DKK4: variants seen among roughly 807,000 people sequenced by gnomAD.
DKK4 encodes dickkopf Wnt signaling pathway inhibitor 4.
Under a neutral mutation model 14.5 loss-of-function variants are expected in DKK4, and 15 were observed. That is an observed-to-expected ratio of 1.03 (90% CI 0.69 to 1.59). The LOEUF (loss-of-function observed/expected upper bound fraction) is 1.59, where lower values mean the gene tolerates loss of function less well. DKK4 is among the 40% of genes most tolerant of loss of function. The pLI is 0.00. For missense variants in DKK4, 272 were observed against 280.3 expected (o/e 0.97, Z 0.21); for synonymous variants, 89 against 105.2 (o/e 0.85, Z 0.94).
chr8:42,381,738 C>T (rs528348598), upstream of DKK4, among the ~76,000 whole-genome samples: 5 of 152,348 alleles, frequency 3.3e-5, no homozygotes, highest in South Asian at 1.0e-3. Context: ...TGGCTCACGC[C>T]TGTAATCCAA....
chr8:42,375,024 T>C, intron 2 of DKK4, 111 bp from the exon 3 acceptor site: 2 of 1,069,326 alleles, frequency 1.9e-6, no homozygotes, highest in Non-Finnish European at 2.7e-6. Context: ...CTTCAGTTTA[T>C]ATATAACTTT....
In DKK4 at chr8:42,377,077, G is replaced by T. The variant is rs765372166; in HGVS notation, c.-32C>A. The T allele has an allele frequency of 1.6e-5, 26 of 1,584,824 alleles. No homozygotes were observed. In the South Asian group the frequency reaches 2.9e-4, roughly 18 times the overall value. On this transcript the variant is annotated 5_prime_UTR_variant, in exon 1 of 4. The change creates a new upstream start codon in the 5' untranslated region. Coordinates refer to ENST00000220812, the MANE Select transcript of DKK4 (RefSeq NM_014420.3). ...ATCCCGGGGCTCCTGGAGGGTCCCA[G>T]CACTGTGCGTCACCAAAGCGAGGCT...
chr8:42,381,158 A>G (rs1363473240), upstream of DKK4, among the ~76,000 whole-genome samples: 1 of 151,572 alleles, frequency 6.6e-6, no homozygotes, highest in Non-Finnish European at 1.5e-5. Flanking sequence ...AAAGGATGGG[A>G]GTCTGAAGTT....
rs2130873216 is a variant in DKK4, at chr8:42,375,835, G to A, written c.112-5C>T. The A allele has an allele frequency of 2.5e-6, 4 of 1,613,620 alleles. No individual in the cohort carries two copies. In the East Asian group the frequency reaches 8.9e-5, roughly 36 times the overall value. ...GTCAGACAGGCACTGTGAGCCCTGT[G>A]GAGGGAATCTGTTATCACAAGGCTA... On this transcript the variant is annotated splice_polypyrimidine_tract_variant and splice_region_variant and intron_variant, in intron 1 of 3. Transcript: ENST00000220812.
chr8:42,390,562 A>G, the DKK4 span, among the ~76,000 whole-genome samples: 1 of 150,184 alleles, frequency 6.7e-6, no homozygotes, highest in African/African-American at 2.4e-5. Context: ...GCGGGGTTTC[A>G]CTGTGTTAGC....
intron 3 of DKK4, 142 bp downstream of exon 3, chr8:42,374,619 A>G (rs1445379678): frequency 2.3e-6 from 3 of 1,291,516 alleles, no homozygotes; most frequent in Non-Finnish European, 3.2e-6. Context: ...ACAGCTTCTT[A>G]CAGAAAGAGA....
chr8:42,375,096 A>C (rs1202450944), intron 2 of DKK4, among the ~76,000 whole-genome samples, 183 bp from the exon 3 acceptor site: 1 of 152,254 alleles, frequency 6.6e-6, no homozygotes, highest in Admixed American at 6.5e-5. Flanking sequence ...AAAGTAGCTA[A>C]GTGGAAATTG....
At position 42,376,916 on chromosome 8, in the gene DKK4, C is replaced by G; in HGVS notation, c.111+19G>C. On this transcript the variant is annotated intron_variant, in intron 1 of 3. Coordinates refer to ENST00000220812, the MANE Select transcript of DKK4 (RefSeq NM_014420.3). ...CTGTCAGCAGTCCCGTACCTCGCCC[C>G]CCTCCCTAGCAGCCTTACCTTCCGG... 6.2e-7 allele frequency: 1 copy of G among 1,606,440 alleles called. No homozygotes were observed. Among genetic ancestry groups the G allele is most frequent in the Non-Finnish European group, 8.5e-7 (1 of 1,174,018 alleles).
upstream of DKK4, among the ~76,000 whole-genome samples, chr8:42,378,378 T>G (rs1824600782): frequency 6.6e-6 from 1 of 152,212 alleles, no homozygotes; most frequent in African/African-American, 2.4e-5. Context: ...TTCTCAATTT[T>G]GAGTAATGCA....
chr8:42,379,378 T>TATATATATAG (rs1166847600), upstream of DKK4, among the ~76,000 whole-genome samples: 12 of 34,556 alleles, frequency 3.5e-4, no homozygotes, highest in Non-Finnish European at 4.6e-4. Flanking sequence ...TATATATATA[T>TATATATATAG]AGAGAGAGAG....
At chr8:42,379,381 A>AT (rs1824627338), upstream of DKK4, among the ~76,000 whole-genome samples, 1 of 28,634 alleles carries the variant, frequency 3.5e-5, no homozygotes, top group Non-Finnish European at 6.3e-5. Context: ...ATATATATAG[A>AT]GAGAGAGAGA....
the DKK4 span, among the ~76,000 whole-genome samples, chr8:42,390,606 G>A: frequency 2.0e-5 from 3 of 151,504 alleles, no homozygotes; most frequent in African/African-American, 4.8e-5. Flanking sequence ...CTCATGATCC[G>A]CCCGCCTCTG....
the DKK4 span, among the ~76,000 whole-genome samples, chr8:42,388,558 T>TA: frequency 3.3e-5 from 5 of 151,776 alleles, no homozygotes; most frequent in South Asian, 8.3e-4. Context: ...TTTCTTCTTT[T>TA]ATTTAATTAA....
chr8:42,387,108 C>A, the DKK4 span, among the ~76,000 whole-genome samples: 28 of 152,278 alleles, frequency 1.8e-4, no homozygotes, highest in East Asian at 5.4e-3. Flanking sequence ...GTGCCCTGGA[C>A]ACGAAAGACG....
chr8:42,378,144 C>A (rs1824597021), upstream of DKK4, among the ~76,000 whole-genome samples: 3 of 152,202 alleles, frequency 2.0e-5, no homozygotes, highest in South Asian at 6.2e-4. Context: ...GTAATTTAGA[C>A]ATGTGCTTAT....
intron 2 of DKK4, 141 bp downstream of exon 2, chr8:42,375,539 A>G: frequency 2.7e-6 from 3 of 1,106,298 alleles, no homozygotes; most frequent in Non-Finnish European, 3.7e-6. Flanking sequence ...AAAAAGGAAA[A>G]GAAAAGGCAG....
At chr8:42,388,246 T>C in the DKK4 span, among the ~76,000 whole-genome samples, 1 of 152,146 alleles carries the variant, frequency 6.6e-6, no homozygotes, top group Non-Finnish European at 1.5e-5. Flanking sequence ...TTTGTTTTAT[T>C]TGAGAGGGAG....
chr8:42,383,440 G>T, the DKK4 span, among the ~76,000 whole-genome samples: 1 of 152,262 alleles, frequency 6.6e-6, no homozygotes, highest in Non-Finnish European at 1.5e-5. Flanking sequence ...AAGTTGCTCA[G>T]CTCCAGGAGG....
chr8:42,390,990 T>G, the DKK4 span, among the ~76,000 whole-genome samples: 5 of 152,332 alleles, frequency 3.3e-5, no homozygotes, highest in Admixed American at 6.5e-5. Context: ...AATCAATTAT[T>G]ATCATGGTGG....
Sources: gnomAD v4.1 joint callset for allele counts (sites outside exome capture counted in the v4.1 genomes callset) on GRCh38, gnomAD v4.1.1 for gene constraint, MANE v1.5 for transcripts, NCBI Gene and HGNC (gene_info 2026-07-23, HGNC 2026-07-21) for gene names.